The following PLXNA2 variants were observed in gnomAD, a reference collection of about 807,000 sequenced individuals.
The protein encoded by PLXNA2 is plexin-A2.
PLXNA2 carries 91 observed loss-of-function variants against 193.5 expected under a neutral mutation model. That is an observed-to-expected ratio of 0.47 (90% confidence interval 0.40 to 0.56). The LOEUF is 0.56. PLXNA2 is among the 20% of genes least tolerant of loss of function. The pLI is 0.00. For synonymous variants in PLXNA2, 997 were observed against 1,027.3 expected, an observed-to-expected ratio of 0.97 and a Z score of 0.56; for missense variants, 1,995 against 2,503.2, an observed-to-expected ratio of 0.80 and a Z score of 4.33.
At chr1:208,124,679 C>CAAAAAAAA (rs34909092) in intron 4 of PLXNA2, among the ~76,000 whole-genome samples, 1 of 68,610 alleles carries the variant, frequency 1.5e-5, no homozygotes. Flanking sequence ...AACTCCGTCT[C>CAAAAAAAA]AAAAAAAAAA....
At chr1:208,214,665 G>C (rs1479787353) in intron 2 of PLXNA2, among the ~76,000 whole-genome samples, 1 of 152,156 alleles carries the variant, frequency 6.6e-6, no homozygotes, top group Non-Finnish European at 1.5e-5. Context: ...TCAGCACTGT[G>C]TACAAGAAAC....
In PLXNA2 at chr1:208,212,270, A is replaced by AT. The variant is rs139437303; in HGVS notation, c.1189-1809dup. On this transcript the variant is annotated intron_variant, in intron 2 of 31. Coordinates refer to ENST00000367033, the MANE Select transcript of PLXNA2 (RefSeq NM_025179.4). ...ATTGGTTTATAAGTTATGGCATATGATTTTTTTTTTTAAACCAGGGACTTC... is the reference window on the plus strand; with the variant it reads ...ATTGGTTTATAAGTTATGGCATATGATTTTTTTTTTTTAAACCAGGGACTTC... Among the ~76,000 whole-genome samples, 219 of 148,916 alleles carry AT rather than the reference A, an allele frequency of 1.5e-3. No homozygotes were observed. In the South Asian group the frequency reaches 0.019, roughly 13 times the overall value.
intron 5 of PLXNA2, among the ~76,000 whole-genome samples, chr1:208,099,866 G>T (rs886691673): frequency 6.6e-6 from 1 of 151,948 alleles, no homozygotes; most frequent in African/African-American, 2.4e-5. Context: ...ACCGCACCTG[G>T]CCCTAGAATG....
chr1:208,229,174 C>T (rs1056921903), intron 1 of PLXNA2, among the ~76,000 whole-genome samples: 1 of 152,132 alleles, frequency 6.6e-6, no homozygotes, highest in African/African-American at 2.4e-5. Context: ...CTCTCTTTCT[C>T]TCTAAAAACT....
At chr1:208,067,085 C>A (rs1009744195) in intron 12 of PLXNA2, among the ~76,000 whole-genome samples, 1 of 152,110 alleles carries the variant, frequency 6.6e-6, no homozygotes, top group African/African-American at 2.4e-5. Flanking sequence ...TGGCTCATGC[C>A]TGTAATCCCA....
At chr1:208,231,500 G>T (rs944766278) in intron 1 of PLXNA2, among the ~76,000 whole-genome samples, 1 of 152,106 alleles carries the variant, frequency 6.6e-6, no homozygotes, top group African/African-American at 2.4e-5. Context: ...CCCTCCACAC[G>T]CCTGCGAAGG....
intron 4 of PLXNA2, among the ~76,000 whole-genome samples, chr1:208,124,608 G>C (rs2102454701): frequency 6.7e-6 from 1 of 148,236 alleles, no homozygotes; most frequent in African/African-American, 2.5e-5. Flanking sequence ...GAACCCGGTA[G>C]GCAGAGGTTG....
chr1:208,121,448 G>A lies in PLXNA2; in HGVS notation c.1507-18201C>T, dbSNP rs546495422. Reference sequence around the variant, plus strand: ...TATCTCACCTTGAATTGTAATCAAAGGCAGGACCAGGTGGAGGTAATTGAA... The same window carrying A: ...TATCTCACCTTGAATTGTAATCAAAAGCAGGACCAGGTGGAGGTAATTGAA... On this transcript the variant is annotated intron_variant, in intron 4 of 31. Transcript: ENST00000367033. Among the ~76,000 whole-genome samples, 158 of 152,288 alleles carry A rather than the reference G, an allele frequency of 1.0e-3. 5 individuals carry two copies. The South Asian group carries it at 0.031, about 30-fold the overall frequency.
intron 3 of PLXNA2, among the ~76,000 whole-genome samples, chr1:208,173,728 G>A (rs1002475448): frequency 5.3e-5 from 8 of 152,236 alleles, no homozygotes; most frequent in African/African-American, 1.7e-4. Flanking sequence ...TGGAGGATTT[G>A]CCAATGAAAA....
At chr1:208,093,332 C>T (rs982765794) in intron 8 of PLXNA2, among the ~76,000 whole-genome samples, 3 of 152,142 alleles carry the variant, frequency 2.0e-5, no homozygotes, top group African/African-American at 7.2e-5. Context: ...CTTGTAAAGA[C>T]AGGGTAGCCG....
Position 208,044,560 on chromosome 1 carries a change from C to G in PLXNA2, c.3822G>C (p.Leu1274=), listed in dbSNP as rs1297893639. 1 of 1,614,166 alleles carries G rather than the reference C, an allele frequency of 6.2e-7. No individual in the cohort carries two copies. Among genetic ancestry groups the G allele is most frequent in the South Asian group, 1.1e-5 (1 of 91,086 alleles). The change falls in exon 20 of 32, where the codon CTG becomes CTC. Residue 1274 remains leucine, a synonymous_variant. Transcript: ENST00000367033. This position sits in a 1 kb window ranked among gnomAD's most constrained non-coding sequence, Gnocchi z 4.9. The stretch of plus-strand genomic sequence containing the variant: ...ACTCCAGATTGTCCATCTGCATTTG[C>G]AGCCGCTTGAGAGTGAGGTCATTTT... ...SRENDLTLKR[L]QMQMDNLESR...
At position 208,027,186 on chromosome 1, in the gene PLXNA2, C is replaced by T. The variant is rs1354619749; in HGVS notation, c.*57G>A. On this transcript the variant is annotated 3_prime_UTR_variant, in exon 32 of 32. Transcript: ENST00000367033. ...CCATCACTTGTCCTTCCATCTGAGA[C>T]TCCCAGTGTGACAGCTTGGACAGGT... The T allele has an allele frequency of 2.1e-6, 3 of 1,430,598 alleles. No individual in the cohort carries two copies. Among genetic ancestry groups the T allele is most frequent in the East Asian group, 2.3e-5 (1 of 43,802 alleles). The allele number at this position is 1,430,598 out of a possible 1,614,324, so 88.6% of individuals were successfully genotyped here.
At chr1:208,031,987 C>T in intron 28 of PLXNA2, 6 of 985,174 alleles carry the variant, frequency 6.1e-6, no homozygotes, top group Non-Finnish European at 7.2e-6. Flanking sequence ...AACCTGCAGC[C>T]ACATTCCACA....
chr1:208,135,152 T>A (rs1001760470), intron 4 of PLXNA2, among the ~76,000 whole-genome samples: 1 of 152,092 alleles, frequency 6.6e-6, no homozygotes, highest in South Asian at 2.1e-4. Context: ...ATGCAGAGAA[T>A]TTCTTAGGGG....
chr1:208,217,981 C>T lies in PLXNA2; in HGVS notation c.-59G>A, dbSNP rs1294681465. ...GTGTGTGCTCATCTGCTCCACCTTC[C>T]CCGGTTGGCCCTCACATGATTCTGC... On this transcript the variant is annotated 5_prime_UTR_variant, in exon 2 of 32. Transcript: ENST00000367033. The surrounding 1 kb of genome is among the most constrained non-coding windows in gnomAD (Gnocchi z 4.7). 2.5e-6 allele frequency: 4 copies of T among 1,578,684 alleles called. No homozygotes were observed. The highest frequency in any genetic ancestry group is 3.4e-6 in the Non-Finnish European group (4 of 1,169,370).
intron 9 of PLXNA2, among the ~76,000 whole-genome samples, chr1:208,087,286 T>A (rs1384623025): frequency 2.0e-5 from 3 of 152,108 alleles, no homozygotes; most frequent in African/African-American, 7.2e-5. Context: ...ATAACACATA[T>A]GTTATCTATA....
Position 208,033,403 on chromosome 1 carries a change from G to T in PLXNA2, c.4971C>A (p.Asn1657Lys). 1 of 1,614,168 alleles carries T rather than the reference G, an allele frequency of 6.2e-7. No individual in the cohort carries two copies. Among genetic ancestry groups the T allele is most frequent in the South Asian group, 1.1e-5 (1 of 91,066 alleles). The change falls in exon 28 of 32, where the codon AAC becomes AAA. Residue 1657 changes from asparagine (N) to lysine (K), a missense_variant. By Grantham distance (94) the Asn-to-Lys change is moderately conservative (BLOSUM62 0). Around this residue, in one of 3 missense-constraint regions of PLXNA2, gnomAD observed 1,291 missense variants for 1,673.6 expected, o/e 0.77. Transcript: ENST00000367033. ...CCTCCTTCTGGTCACCGTGGTCATG[G>T]TTCTTCACCAGATGCCACACCTTGA... is the stretch of plus-strand genomic sequence containing the variant. ...SGVKVWHLVKNHDHGDQKEGD... is the reference protein window; with the variant it reads ...SGVKVWHLVKKHDHGDQKEGD...
At chr1:208,222,738 C>T (rs1040144766) in intron 1 of PLXNA2, among the ~76,000 whole-genome samples, 2 of 152,192 alleles carry the variant, frequency 1.3e-5, no homozygotes, top group Non-Finnish European at 2.9e-5. Context: ...GCACATGCCT[C>T]TACGTTTCCA....
chr1:208,224,459 G>C (rs1262427038), intron 1 of PLXNA2, among the ~76,000 whole-genome samples: 2 of 151,646 alleles, frequency 1.3e-5, no homozygotes, highest in Admixed American at 6.6e-5. Flanking sequence ...TATTTCAGCT[G>C]TCACTCATGC....
Sources: allele counts gnomAD v4.1 joint callset (sites outside exome capture counted in the v4.1 genomes callset), GRCh38; gene constraint gnomAD v4.1.1; regional missense constraint gnomAD v4.1.1; non-coding constraint Gnocchi (gnomAD v3.1); transcripts MANE v1.5; gene names NCBI Gene and HGNC (gene_info 2026-07-23, HGNC 2026-07-21).